The following RPTOR variants were observed in gnomAD, a reference collection of about 807,000 sequenced individuals.
RPTOR encodes regulatory associated protein of MTOR complex 1.
Under a neutral mutation model 169.9 loss-of-function variants are expected in RPTOR, and 21 were observed. That is an observed-to-expected ratio of 0.12 (90% confidence interval 0.09 to 0.18). The LOEUF (loss-of-function observed/expected upper bound fraction) is 0.18. RPTOR is among the 10% of genes least tolerant of loss of function. The pLI is 1.00. For synonymous variants in RPTOR, 732 were observed against 753.2 expected (o/e 0.97, Z 0.46); for missense variants, 1,133 against 1,855.9 (o/e 0.61, Z 7.16).
chr17:80,710,888 T>C (rs2066184457), intron 4 of RPTOR, among the ~76,000 whole-genome samples: 1 of 152,246 alleles, frequency 6.6e-6, no homozygotes, highest in East Asian at 1.9e-4. Flanking sequence ...CTGAGGAATG[T>C]TCCTTCTTTG....
At chr17:80,717,915 C>A (rs188621887) in intron 4 of RPTOR, among the ~76,000 whole-genome samples, 1 of 152,172 alleles carries the variant, frequency 6.6e-6, no homozygotes, top group Non-Finnish European at 1.5e-5. Flanking sequence ...ATTCACGTAG[C>A]GGAACGTTTA....
intron 20 of RPTOR, among the ~76,000 whole-genome samples, chr17:80,905,655 A>G (rs79272810): frequency 6.7e-6 from 1 of 149,140 alleles, no homozygotes; most frequent in Non-Finnish European, 1.5e-5. Flanking sequence ...ACACACCCCC[A>G]CCCCGCCCTG....
chr17:80,904,551 C>A (rs570157989), intron 20 of RPTOR, among the ~76,000 whole-genome samples: 1 of 152,152 alleles, frequency 6.6e-6, no homozygotes, highest in African/African-American at 2.4e-5. Context: ...TCATTATGAT[C>A]TTTTATTACT....
chr17:80,721,658 G>A lies in RPTOR; in HGVS notation c.508-8902G>A, dbSNP rs2066287877. 6.6e-6 allele frequency among the ~76,000 whole-genome samples: 1 copy of A among 151,270 alleles called. No individual in the cohort carries two copies. Among genetic ancestry groups the A allele is most frequent in the Non-Finnish European group, 1.5e-5 (1 of 68,028 alleles). On this transcript the variant is annotated intron_variant, in intron 4 of 33. Transcript: ENST00000306801. This position sits in a 1 kb window ranked among gnomAD's most constrained non-coding sequence, Gnocchi z 4.7. ...GCTGGAAGCTTCCTCAGGGTACTCGGGCTTATTTTGGTAGTCATACACATG... is the reference window on the plus strand; with the variant it reads ...GCTGGAAGCTTCCTCAGGGTACTCGAGCTTATTTTGGTAGTCATACACATG...
intron 3 of RPTOR, among the ~76,000 whole-genome samples, chr17:80,680,551 C>A (rs1305831036): frequency 6.6e-6 from 1 of 152,156 alleles, no homozygotes; most frequent in Non-Finnish European, 1.5e-5. Context: ...ATCGCTTGAA[C>A]CCAGGTGGCA....
At chr17:80,786,502 C>T (rs904511046) in intron 6 of RPTOR, among the ~76,000 whole-genome samples, 3 of 152,158 alleles carry the variant, frequency 2.0e-5, no homozygotes, top group Non-Finnish European at 4.4e-5. Flanking sequence ...TTTAATTGAG[C>T]AAAGAACCAT....
At chr17:80,851,636 G>A (rs1287014524) in intron 11 of RPTOR, among the ~76,000 whole-genome samples, 5 of 152,210 alleles carry the variant, frequency 3.3e-5, no homozygotes, top group Non-Finnish European at 5.9e-5. Flanking sequence ...GTGGGCCCCC[G>A]AGGCCCCCGC....
intron 1 of RPTOR, among the ~76,000 whole-genome samples, chr17:80,566,879 T>A (rs1262084297): frequency 2.0e-5 from 3 of 150,350 alleles, no homozygotes; most frequent in African/African-American, 7.4e-5. Flanking sequence ...GTACTTAATT[T>A]AAAAAACTTC....
chr17:80,774,050 T>C, intron 6 of RPTOR: 19 of 985,460 alleles, frequency 1.9e-5, no homozygotes, highest in Non-Finnish European at 2.0e-5. Flanking sequence ...GTTTTTCTAT[T>C]TCTTCGTTGA....
chr17:80,726,730 T>G lies in RPTOR; in HGVS notation c.508-3830T>G, dbSNP rs1255557651. Reference sequence around the variant, plus strand: ...AGGGTCAGGGCTGGGCAAGTTGTATTCAGATGCTGTTCGCTAAGCCCAGAA... The same window carrying G: ...AGGGTCAGGGCTGGGCAAGTTGTATGCAGATGCTGTTCGCTAAGCCCAGAA... On this transcript the variant is annotated intron_variant, in intron 4 of 33. Coordinates refer to ENST00000306801, the MANE Select transcript of RPTOR (RefSeq NM_020761.3). The surrounding 1 kb of genome is among the most constrained non-coding windows in gnomAD (Gnocchi z 4.5). 6.6e-6 allele frequency among the ~76,000 whole-genome samples: 1 copy of G among 152,076 alleles called. No individual in the cohort carries two copies. Among genetic ancestry groups the G allele is most frequent in the African/African-American group, 2.4e-5 (1 of 41,390 alleles).
intron 28 of RPTOR, among the ~76,000 whole-genome samples, chr17:80,950,276 C>T (rs1396190172): frequency 1.3e-5 from 2 of 152,332 alleles, no homozygotes; most frequent in African/African-American, 4.8e-5. Flanking sequence ...CCCCCTCTGC[C>T]GGCTCCTGCC....
At chr17:80,685,866 A>G (rs2065943263) in intron 3 of RPTOR, among the ~76,000 whole-genome samples, 1 of 151,218 alleles carries the variant, frequency 6.6e-6, no homozygotes, top group South Asian at 2.1e-4. Context: ...GCACTCGGAA[A>G]TGCCCGACAA....
At chr17:80,667,596 A>G (rs533902460) in intron 3 of RPTOR, among the ~76,000 whole-genome samples, 98 of 152,384 alleles carry the variant, frequency 6.4e-4, no homozygotes, top group African/African-American at 2.3e-3. Context: ...AGTGGAAGTC[A>G]TAGCAAATAG....
Position 80,844,105 on chromosome 17 carries a change from A to G in RPTOR, c.1213-2368A>G, listed in dbSNP as rs1337761817. Among the ~76,000 whole-genome samples the G allele has an allele frequency of 1.3e-5, 2 of 152,108 alleles. No individual in the cohort carries two copies. The highest frequency in any genetic ancestry group is 4.8e-5 in the African/African-American group (2 of 41,414). ...GAGAAAATCTCAGAGATTTGGCCCA[A>G]AACATCAGCCCTGTGAATCATGGGT... On this transcript the variant is annotated intron_variant, in intron 10 of 33. Coordinates refer to ENST00000306801, the MANE Select transcript of RPTOR (RefSeq NM_020761.3). The surrounding 1 kb of genome is among the most constrained non-coding windows in gnomAD (Gnocchi z 4.7).
chr17:80,893,690 C>T lies in RPTOR; in HGVS notation c.2243-17C>T, dbSNP rs764744726. The T allele has an allele frequency of 1.9e-5, 31 of 1,606,092 alleles. No individual in the cohort carries two copies. The highest frequency in any genetic ancestry group is 1.7e-4 in the Middle Eastern group (1 of 6,040). On this transcript the variant is annotated splice_polypyrimidine_tract_variant and intron_variant, in intron 19 of 33. Coordinates refer to ENST00000306801, the MANE Select transcript of RPTOR (RefSeq NM_020761.3). ...GGTCCCGGGAGCACCCCACTGACCCCGTTGCGTCTCGGGCAGCTGGTGGCG... is the reference window on the plus strand; with the variant it reads ...GGTCCCGGGAGCACCCCACTGACCCTGTTGCGTCTCGGGCAGCTGGTGGCG...
intron 15 of RPTOR, 116 bp downstream of exon 15, chr17:80,883,600 G>T: frequency 8.1e-7 from 1 of 1,233,200 alleles, no homozygotes; most frequent in South Asian, 1.2e-5. Context: ...CAGAGGCTCT[G>T]ACCCTTCATC....
rs199928822 is a variant in RPTOR, at chr17:80,885,044, G to A, written c.1879G>A (p.Val627Met). The A allele has an allele frequency of 1.3e-5, 21 of 1,609,226 alleles. No homozygotes were observed. The highest frequency in any genetic ancestry group is 1.6e-4 in the Middle Eastern group (1 of 6,080). The change falls in exon 17 of 34, where the codon GTG (valine) becomes ATG (methionine). Residue 627 changes from valine (V) to methionine (M), a missense_variant. Coordinates refer to ENST00000306801, the MANE Select transcript of RPTOR (RefSeq NM_020761.3). ...AGCGGTCTTCGCCCTTGGCACGTTC[G>A]TGGGCAACTCTGCAGAGAGGACGGA... ...CAAVFALGTFVGNSAERTDHS... is the reference protein window; with the variant it reads ...CAAVFALGTFMGNSAERTDHS...
chr17:80,712,177 T>C (rs941053940), intron 4 of RPTOR, among the ~76,000 whole-genome samples: 4 of 152,228 alleles, frequency 2.6e-5, no homozygotes, highest in African/African-American at 7.2e-5. Flanking sequence ...CTTTGGTTTG[T>C]TATGTTTTTT....
At chr17:80,700,290 T>A (rs2066073201) in intron 3 of RPTOR, among the ~76,000 whole-genome samples, 1 of 152,204 alleles carries the variant, frequency 6.6e-6, no homozygotes, top group African/African-American at 2.4e-5. Flanking sequence ...AAGGACCTAT[T>A]GAGTTTTGGA....
Sources: gnomAD v4.1 joint callset for allele counts (sites outside exome capture counted in the v4.1 genomes callset) on GRCh38, gnomAD v4.1.1 for gene constraint, Gnocchi (gnomAD v3.1) non-coding constraint, MANE v1.5 for transcripts, NCBI Gene and HGNC (gene_info 2026-07-23, HGNC 2026-07-21) for gene names.